DDX10: variants seen among roughly 807,000 people sequenced by gnomAD.
DDX10 encodes the protein probable ATP-dependent RNA helicase DDX10.
A neutral mutation model predicts 104.3 loss-of-function variants in DDX10; 74 were observed. That is an observed-to-expected ratio of 0.71 (90% CI 0.59 to 0.86). The LOEUF (loss-of-function observed/expected upper bound fraction) is 0.86. Ranked by LOEUF, DDX10 falls within the 40% of genes least tolerant of loss-of-function variation. DDX10 has a pLI of 0.00. For missense variants in DDX10, 952 were observed against 1,040.0 expected (o/e 0.92, Z 1.16); for synonymous variants, 351 against 353.4 (o/e 0.99, Z 0.08).
chr11:108,774,887 T>C (rs1466511838), intron 13 of DDX10, among the ~76,000 whole-genome samples: 1 of 152,210 alleles, frequency 6.6e-6, no homozygotes, highest in Non-Finnish European at 1.5e-5. Flanking sequence ...TTCCTGTCTC[T>C]GCCCTTACTG....
chr11:108,715,806 A>G, intron 10 of DDX10, 73 bp from the exon 11 acceptor site: 3 of 750,158 alleles, frequency 4.0e-6, no homozygotes, highest in Non-Finnish European at 6.8e-6. Flanking sequence ...GGAAAATAGG[A>G]AAATGCTGCT....
intron 13 of DDX10, among the ~76,000 whole-genome samples, chr11:108,830,220 T>C (rs1862449668): frequency 6.6e-6 from 1 of 152,232 alleles, no homozygotes; most frequent in Admixed American, 6.5e-5. Context: ...ATTTGTGTCA[T>C]CTGTGATTTC....
intron 13 of DDX10, among the ~76,000 whole-genome samples, chr11:108,821,455 TG>T (rs1862324353): frequency 6.6e-6 from 1 of 152,194 alleles, no homozygotes. Context: ...TGCATTTTAG[TG>T]TGATGATTTA....
At chr11:108,856,965 G>A (rs1224848959) in intron 16 of DDX10, among the ~76,000 whole-genome samples, 3 of 151,254 alleles carry the variant, frequency 2.0e-5, no homozygotes, top group African/African-American at 7.3e-5. Flanking sequence ...GAACTTCCAG[G>A]GAATATTTTA....
chr11:108,783,333 A>G (rs150076376), intron 13 of DDX10, among the ~76,000 whole-genome samples: 1 of 152,194 alleles, frequency 6.6e-6, no homozygotes, highest in African/African-American at 2.4e-5. Flanking sequence ...ATAATTGGTA[A>G]TCTTTACCAG....
intron 8 of DDX10, 120 bp from the exon 9 acceptor site, chr11:108,693,396 A>G: frequency 1.3e-6 from 1 of 777,474 alleles, no homozygotes; most frequent in Non-Finnish European, 2.3e-6. Flanking sequence ...TAGAGTTCAT[A>G]GATGATATCC....
chr11:108,815,910 C>T (rs1256386242), intron 13 of DDX10, among the ~76,000 whole-genome samples: 1 of 152,194 alleles, frequency 6.6e-6, no homozygotes, highest in Non-Finnish European at 1.5e-5. Context: ...TTTTCACTGC[C>T]TCACCTTAAG....
At chr11:108,789,419 A>G (rs1160954721) in intron 13 of DDX10, among the ~76,000 whole-genome samples, 1 of 152,206 alleles carries the variant, frequency 6.6e-6, no homozygotes, top group Non-Finnish European at 1.5e-5. Context: ...GCATAAGATT[A>G]TTGTATATAC....
chr11:108,940,136 C>A, intron 17 of DDX10, 110 bp from the exon 18 acceptor site: 1 of 1,203,310 alleles, frequency 8.3e-7, no homozygotes, highest in South Asian at 1.6e-5. Flanking sequence ...CCATGGTTTC[C>A]TTCATTCTTG....
intron 15 of DDX10, among the ~76,000 whole-genome samples, chr11:108,850,579 A>C (rs559271940): frequency 3.9e-5 from 6 of 152,274 alleles, no homozygotes; most frequent in African/African-American, 1.4e-4. Context: ...AAGACTGGCA[A>C]AATTAATTGA....
At chr11:108,757,787 T>C (rs1392475972) in intron 13 of DDX10, among the ~76,000 whole-genome samples, 1 of 152,064 alleles carries the variant, frequency 6.6e-6, no homozygotes, top group Non-Finnish European at 1.5e-5. Flanking sequence ...TGACCTTTGG[T>C]TCATTTTCTT....
At chr11:108,746,955 A>G (rs901087015) in intron 13 of DDX10, among the ~76,000 whole-genome samples, 1 of 152,168 alleles carries the variant, frequency 6.6e-6, no homozygotes, top group Non-Finnish European at 1.5e-5. Context: ...AATCTTGAAG[A>G]AAAGAACTTA....
intron 16 of DDX10, among the ~76,000 whole-genome samples, chr11:108,877,193 T>C (rs1432097448): frequency 6.6e-6 from 1 of 152,210 alleles, no homozygotes; most frequent in East Asian, 1.9e-4. Context: ...TATTTAACTT[T>C]TCAAAAGAAT....
At chr11:108,814,657 A>G (rs1379466644) in intron 13 of DDX10, among the ~76,000 whole-genome samples, 1 of 152,222 alleles carries the variant, frequency 6.6e-6, no homozygotes, top group East Asian at 1.9e-4. Context: ...GTAACAAAAA[A>G]AAACCTCTCA....
At chr11:108,747,738 T>C (rs57484308) in intron 13 of DDX10, among the ~76,000 whole-genome samples, 2 of 152,066 alleles carry the variant, frequency 1.3e-5, no homozygotes, top group Non-Finnish European at 2.9e-5. Flanking sequence ...AAATCCATCC[T>C]CCAACATAGT....
At chr11:108,909,959 A>G (rs1423549085) in intron 16 of DDX10, among the ~76,000 whole-genome samples, 5 of 152,142 alleles carry the variant, frequency 3.3e-5, no homozygotes, top group African/African-American at 1.2e-4. Context: ...TTACATTATC[A>G]CATGTGAGAT....
At chr11:108,856,302 C>T (rs531319066) in intron 16 of DDX10, among the ~76,000 whole-genome samples, 37 of 152,010 alleles carry the variant, frequency 2.4e-4, no homozygotes, top group Admixed American at 1.8e-3. Flanking sequence ...TGGTGGTACC[C>T]GTCTATAATC....
chr11:108,849,238 T>A (rs1461455670), intron 15 of DDX10, among the ~76,000 whole-genome samples: 3 of 152,156 alleles, frequency 2.0e-5, no homozygotes, highest in African/African-American at 7.2e-5. Context: ...GTTTTCTTTT[T>A]TGAAAAATAG....
intron 13 of DDX10, among the ~76,000 whole-genome samples, chr11:108,766,097 A>G (rs1232139397): frequency 4.6e-5 from 7 of 152,240 alleles, no homozygotes; most frequent in African/African-American, 1.7e-4. Context: ...AGGCCTCTAC[A>G]TTTATAGTTC....
Sources: allele counts gnomAD v4.1 joint callset (sites outside exome capture counted in the v4.1 genomes callset), GRCh38; gene constraint gnomAD v4.1.1; transcripts MANE v1.5; gene names NCBI Gene and HGNC (gene_info 2026-07-23, HGNC 2026-07-21).